The following AGAP1 variants were observed in gnomAD, a reference collection of about 807,000 sequenced individuals.
AGAP1 encodes the protein arf-GAP with GTPase, ANK repeat and PH domain-containing protein 1.
AGAP1 carries 29 observed loss-of-function variants against 105.3 expected under a neutral mutation model. The observed-to-expected ratio is 0.28, with a 90% CI of 0.21 to 0.38. The LOEUF is 0.38. AGAP1 is among the 10% of genes least tolerant of loss of function. The pLI, the probability that AGAP1 is intolerant of heterozygous loss-of-function variation, is 1.00. For missense variants in AGAP1, 998 were observed against 1,165.1 expected, an observed-to-expected ratio of 0.86 and a Z score of 2.09; for synonymous variants, 509 against 485.9, an observed-to-expected ratio of 1.05 and a Z score of -0.63.
rs558240184 is a variant in AGAP1, at chr2:236,003,572, G to A, written c.1646-32989G>A. Among the ~76,000 whole-genome samples the A allele has an allele frequency of 9.8e-5, 15 of 152,286 alleles. No individual in the cohort carries two copies. The highest frequency in any genetic ancestry group is 3.9e-4 in the East Asian group (2 of 5,174). ...CAGCCCCCCTGCGCTGCTGCTGCCCGCATGGGGTACCCTTAAGTCCCACAT... is the reference window on the plus strand; with the variant it reads ...CAGCCCCCCTGCGCTGCTGCTGCCCACATGGGGTACCCTTAAGTCCCACAT... On this transcript the variant is annotated intron_variant, in intron 13 of 17. Coordinates refer to ENST00000304032, the MANE Select transcript of AGAP1 (RefSeq NM_001037131.3). This position sits in a 1 kb window ranked among gnomAD's most constrained non-coding sequence, Gnocchi z 4.2.
At position 236,033,160 on chromosome 2, in the gene AGAP1, GCTTGAA is replaced by G. The variant is rs2057277699; in HGVS notation, c.1646-3396_1646-3391del. Among the ~76,000 whole-genome samples, 3 of 152,250 alleles carry G rather than the reference GCTTGAA, an allele frequency of 2.0e-5. No individual in the cohort carries two copies. In the South Asian group the frequency reaches 6.2e-4, roughly 32 times the overall value. ...CTCGGGAGGCTGAGGCAGGAGAATC[GCTTGAA>G]CTTGGGAGGCGGAGGTTGCAGTGAG... On this transcript the variant is annotated intron_variant, in intron 13 of 17. Transcript: ENST00000304032.
At chr2:235,817,154 C>G (rs1344511491) in intron 9 of AGAP1, among the ~76,000 whole-genome samples, 1 of 152,138 alleles carries the variant, frequency 6.6e-6, no homozygotes, top group Non-Finnish European at 1.5e-5. Context: ...GAAACAGCAA[C>G]CGTGGAACTT....
chr2:236,051,561 G>A lies in AGAP1; in HGVS notation c.2114+2280G>A, dbSNP rs1282945329. Among the ~76,000 whole-genome samples, 3 of 152,192 alleles carry A rather than the reference G, an allele frequency of 2.0e-5. No individual in the cohort carries two copies. Among genetic ancestry groups the A allele is most frequent in the Non-Finnish European group, 4.4e-5 (3 of 68,036 alleles). On this transcript the variant is annotated intron_variant, in intron 16 of 17. Transcript: ENST00000304032. The surrounding 1 kb of genome is among the most constrained non-coding windows in gnomAD (Gnocchi z 5.9). ...TGGATGCAGGCTCGGCCGGGCCTGT[G>A]GGGAGGTGTGCCTGTCGGCGAGTAC...
intron 1 of AGAP1, among the ~76,000 whole-genome samples, chr2:235,499,889 G>T (rs1941490564): frequency 6.6e-6 from 1 of 152,312 alleles, no homozygotes; most frequent in African/African-American, 2.4e-5. Flanking sequence ...ATGCCCAGGG[G>T]TTTGTTGGCT....
rs34701466 is a variant in AGAP1 at position 236,044,767 on chromosome 2, TCACACACA to T, written c.1891+3941_1891+3948del. Among the ~76,000 whole-genome samples the T allele has an allele frequency of 1.3e-5, 2 of 150,104 alleles. No individual in the cohort carries two copies. The highest frequency in any genetic ancestry group is 3.0e-5 in the Non-Finnish European group (2 of 67,428). On this transcript the variant is annotated intron_variant, in intron 15 of 17. Transcript: ENST00000304032. This position sits in a 1 kb window ranked among gnomAD's most constrained non-coding sequence, Gnocchi z 5.7. ...CCTTCCCTGACCTCCAGGTTTGAAA[TCACACACA>T]CACACACACACACATCCCTACTCCC...
At chr2:235,933,369 A>G (rs1343454679) in intron 12 of AGAP1, among the ~76,000 whole-genome samples, 1 of 152,080 alleles carries the variant, frequency 6.6e-6, no homozygotes, top group Non-Finnish European at 1.5e-5. Context: ...GAGAGACCAG[A>G]AGAGATGAGT....
chr2:235,756,071 G>T (rs1378095412), intron 6 of AGAP1, among the ~76,000 whole-genome samples: 1 of 152,350 alleles, frequency 6.6e-6, no homozygotes, highest in Admixed American at 6.5e-5. Flanking sequence ...AGAGAGTGGA[G>T]AGCGGGCTCT....
chr2:235,731,256 T>C (rs1277519222), intron 3 of AGAP1, among the ~76,000 whole-genome samples: 2 of 152,236 alleles, frequency 1.3e-5, no homozygotes, highest in Non-Finnish European at 2.9e-5. Flanking sequence ...GATTGTATCA[T>C]TGGCTGAGTA....
chr2:236,044,560 C>G lies in AGAP1; in HGVS notation c.1891+3719C>G, dbSNP rs988940360. On this transcript the variant is annotated intron_variant, in intron 15 of 17. Transcript: ENST00000304032. The surrounding 1 kb of genome is among the most constrained non-coding windows in gnomAD (Gnocchi z 5.7). ...GCCTTTCTCATGTCTAGAATCCTGC[C>G]TTATTTCCCTTTGTGAACCCCAGGC... Among the ~76,000 whole-genome samples, 5 of 152,144 alleles carry G rather than the reference C, an allele frequency of 3.3e-5. No homozygotes were observed. The highest frequency in any genetic ancestry group is 4.8e-5 in the African/African-American group (2 of 41,412).
At position 235,664,315 on chromosome 2, in the gene AGAP1, G is replaced by A. The variant is rs777944833; in HGVS notation, c.164-44864G>A. ...CAACCTCTGCCTCCTGGGTTCAAGC[G>A]ATTTCCCTACCTCAGCCCCCCAGGT... On this transcript the variant is annotated intron_variant, in intron 1 of 17. Transcript: ENST00000304032. This position sits in a 1 kb window ranked among gnomAD's most constrained non-coding sequence, Gnocchi z 5.7. Among the ~76,000 whole-genome samples the A allele has an allele frequency of 5.9e-5, 9 of 152,086 alleles. No individual in the cohort carries two copies. In the East Asian group the frequency reaches 1.4e-3, roughly 23 times the overall value.
In AGAP1 at chr2:235,562,785, C is replaced by A. The variant is rs567667241; in HGVS notation, c.163+67936C>A. ...TTAAAATGGGGATGCTGGCTGGTGT[C>A]GCGGCTCATGCCTGTAATCTCAGAA... On this transcript the variant is annotated intron_variant, in intron 1 of 17. Transcript: ENST00000304032. Among the ~76,000 whole-genome samples, 3 of 152,232 alleles carry A rather than the reference C, an allele frequency of 2.0e-5. No individual in the cohort carries two copies. In the East Asian group the frequency reaches 5.8e-4, roughly 29 times the overall value.
chr2:236,054,450 A>G (rs1482055727), intron 16 of AGAP1, among the ~76,000 whole-genome samples: 1 of 144,524 alleles, frequency 6.9e-6, no homozygotes, highest in Non-Finnish European at 1.5e-5. Flanking sequence ...GTGTTCCTCT[A>G]TGCTTGACAC....
intron 6 of AGAP1, among the ~76,000 whole-genome samples, chr2:235,757,845 G>A (rs773220485): frequency 1.4e-4 from 22 of 152,156 alleles, no homozygotes; most frequent in Non-Finnish European, 2.6e-4. Flanking sequence ...TCCAGAACCA[G>A]GGGAGCTATG....
chr2:235,836,758 G>A (rs549202411), intron 9 of AGAP1, among the ~76,000 whole-genome samples: 1 of 152,306 alleles, frequency 6.6e-6, no homozygotes, highest in South Asian at 2.1e-4. Context: ...AGACAGCCCT[G>A]AAGAATCAAG....
intron 6 of AGAP1, among the ~76,000 whole-genome samples, chr2:235,761,690 A>C (rs542480872): frequency 6.6e-6 from 1 of 152,208 alleles, no homozygotes; most frequent in African/African-American, 2.4e-5. Flanking sequence ...TTAACCCTCC[A>C]TGGAATCGAT....
intron 12 of AGAP1, among the ~76,000 whole-genome samples, chr2:235,954,209 G>A (rs1019104411): frequency 1.4e-4 from 21 of 148,790 alleles, no homozygotes; most frequent in African/African-American, 5.0e-4. Flanking sequence ...ATTGCACCCA[G>A]TGTGTGTGAT....
Position 235,750,505 on chromosome 2 carries a change from G to A in AGAP1, c.673+17G>A. 1.2e-6 allele frequency: 2 copies of A among 1,613,998 alleles called. No individual in the cohort carries two copies. Among genetic ancestry groups the A allele is most frequent in the Non-Finnish European group, 1.7e-6 (2 of 1,179,890 alleles). ...TCCAGGACGGTAAATGCGCGTGGCT[G>A]GGAGTTTAATTTCAGTTCATGATAG... On this transcript the variant is annotated intron_variant, in intron 6 of 17. Coordinates refer to ENST00000304032, the MANE Select transcript of AGAP1 (RefSeq NM_001037131.3). This position sits in a 1 kb window ranked among gnomAD's most constrained non-coding sequence, Gnocchi z 5.3.
chr2:235,670,046 C>G (rs1391664530), intron 1 of AGAP1: 3 of 375,136 alleles, frequency 8.0e-6, no homozygotes, highest in African/African-American at 4.3e-5. Context: ...TGGCCCGGCG[C>G]CCTCCCGGCC....
rs3768958 is a variant in AGAP1 at position 235,741,765 on chromosome 2, T to A, written c.396+717T>A. ...GTTATTTTTTATTATTTATTTATTT[T>A]TTTTTTTTGAGACAGTCTCGCTCTG... is the stretch of plus-strand genomic sequence containing the variant. On this transcript the variant is annotated intron_variant, in intron 4 of 17. Transcript: ENST00000304032. This position sits in a 1 kb window ranked among gnomAD's most constrained non-coding sequence, Gnocchi z 4.9. 5.5e-3 allele frequency among the ~76,000 whole-genome samples: 827 copies of A among 151,044 alleles called. 3 individuals carry two copies. Among genetic ancestry groups the A allele is most frequent in the East Asian group, 0.022 (114 of 5,180 alleles).
Sources: gnomAD v4.1 joint callset for allele counts (sites outside exome capture counted in the v4.1 genomes callset) on GRCh38, gnomAD v4.1.1 for gene constraint, Gnocchi (gnomAD v3.1) non-coding constraint, MANE v1.5 for transcripts, NCBI Gene and HGNC (gene_info 2026-07-23, HGNC 2026-07-21) for gene names.